Variants in MBNL1 observed in about 807,000 individuals in gnomAD.
The protein encoded by MBNL1 is muscleblind-like protein 1.
Under a neutral mutation model 42.2 loss-of-function variants are expected in MBNL1, and 8 were observed. The ratio of observed to expected loss-of-function variants is 0.19; its 90% CI spans 0.11 to 0.34. MBNL1 has a LOEUF of 0.34. Ranked by LOEUF, MBNL1 falls within the 10% of genes least tolerant of loss-of-function variation. The pLI is 1.00. For missense variants in MBNL1, 309 were observed against 495.3 expected (o/e 0.62, Z 3.57); for synonymous variants, 169 against 173.9 (o/e 0.97, Z 0.22).
intron 2 of MBNL1, among the ~76,000 whole-genome samples, chr3:152,394,892 C>T (rs139389109): frequency 6.6e-6 from 1 of 152,254 alleles, no homozygotes; most frequent in Non-Finnish European, 1.5e-5. Flanking sequence ...GGGAGTCTCA[C>T]TCTATTGCCA....
intron 2 of MBNL1, among the ~76,000 whole-genome samples, chr3:152,329,428 A>G (rs1360800591): frequency 3.3e-5 from 5 of 151,846 alleles, no homozygotes; most frequent in African/African-American, 9.7e-5. Flanking sequence ...GAAATTTGCA[A>G]CAACCCCAAG....
At chr3:152,332,240 T>G (rs2085198897) in intron 2 of MBNL1, among the ~76,000 whole-genome samples, 1 of 152,240 alleles carries the variant, frequency 6.6e-6, no homozygotes, top group Non-Finnish European at 1.5e-5. Context: ...CTATCTTATG[T>G]AAAAGCCTGT....
chr3:152,278,584 T>C (rs1351516722), intron 1 of MBNL1, among the ~76,000 whole-genome samples: 1 of 152,172 alleles, frequency 6.6e-6, no homozygotes, highest in Non-Finnish European at 1.5e-5. Flanking sequence ...CAGAGTGATA[T>C]AGTTTTGAGG....
intron 9 of MBNL1, 41 bp downstream of exon 9, chr3:152,459,386 G>A: frequency 4.1e-6 from 5 of 1,228,820 alleles, no homozygotes; most frequent in Non-Finnish European, 5.6e-6. Flanking sequence ...ATTTGTGGTG[G>A]TTTTTTTTAA....
chr3:152,363,468 A>G (rs2096138443), intron 2 of MBNL1, among the ~76,000 whole-genome samples: 1 of 152,234 alleles, frequency 6.6e-6, no homozygotes, highest in South Asian at 2.1e-4. Flanking sequence ...AGAGCAGTTC[A>G]TGGAAGACCA....
intron 2 of MBNL1, among the ~76,000 whole-genome samples, chr3:152,402,172 G>T (rs1190027928): frequency 1.3e-5 from 2 of 152,140 alleles, no homozygotes; most frequent in Non-Finnish European, 2.9e-5. Context: ...AAGCATCTCT[G>T]GAGAAATTGA....
At chr3:152,374,051 G>T (rs894098074) in intron 2 of MBNL1, among the ~76,000 whole-genome samples, 5 of 152,096 alleles carry the variant, frequency 3.3e-5, no homozygotes, top group African/African-American at 1.2e-4. Context: ...TTGTGTATAT[G>T]CATCTTTTAC....
At chr3:152,340,676 A>G (rs770792689) in intron 2 of MBNL1, 1 of 1,614,022 alleles carries the variant, frequency 6.2e-7, no homozygotes, top group South Asian at 1.1e-5. Flanking sequence ...TTATTCGCAT[A>G]ATACCTAGCA....
upstream of MBNL1, chr3:152,268,601 CA>C (rs1380723239): frequency 2.6e-6 from 1 of 379,608 alleles, no homozygotes; most frequent in Non-Finnish European, 5.2e-6. Flanking sequence ...ATGCTGAACG[CA>C]TGAGATGGAA....
rs1047237677 is a variant in MBNL1 at position 152,398,339 on chromosome 3, G to GT, written c.175-16592dup. 2.3e-3 allele frequency among the ~76,000 whole-genome samples: 345 copies of GT among 149,176 alleles called. 7 individuals carry two copies. The East Asian group carries it at 0.03, about 13-fold the overall frequency. On this transcript the variant is annotated intron_variant, in intron 2 of 9. Coordinates refer to ENST00000324210, the MANE Select transcript of MBNL1 (RefSeq NM_021038.5). Reference sequence around the variant, plus strand: ...GCATGTAATATATTAGTATAGCACAGTTTTTTTTTTAATTAAAAAAGACCT... The same window carrying GT: ...GCATGTAATATATTAGTATAGCACAGTTTTTTTTTTTAATTAAAAAAGACCT...
chr3:152,408,071 G>A (rs1420107132), intron 2 of MBNL1, among the ~76,000 whole-genome samples: 1 of 151,966 alleles, frequency 6.6e-6, no homozygotes, highest in Non-Finnish European at 1.5e-5. Flanking sequence ...TGATAGGTGC[G>A]GCAAACCATT....
chr3:152,260,963 G>A (rs572417786), intron 2 of MBNL1, among the ~76,000 whole-genome samples: 1 of 152,232 alleles, frequency 6.6e-6, no homozygotes, highest in East Asian at 1.9e-4. Context: ...ATATGAGATC[G>A]AGTTTCCTGC....
chr3:152,278,388 G>T (rs1393718501), intron 1 of MBNL1, among the ~76,000 whole-genome samples: 1 of 152,070 alleles, frequency 6.6e-6, no homozygotes, highest in Non-Finnish European at 1.5e-5. Flanking sequence ...TGATCCAGGA[G>T]TAGTCTCTCT....
chr3:152,279,196 A>G (rs1229000959), intron 1 of MBNL1, among the ~76,000 whole-genome samples: 2 of 152,154 alleles, frequency 1.3e-5, no homozygotes, highest in South Asian at 4.1e-4. Flanking sequence ...AAACAGATAG[A>G]CAACCTGGTA....
chr3:152,280,651 A>G (rs1035449921), intron 1 of MBNL1, among the ~76,000 whole-genome samples: 12 of 152,154 alleles, frequency 7.9e-5, no homozygotes, highest in East Asian at 1.9e-4. Flanking sequence ...TTTAACATTA[A>G]TGACAGAGAA....
intron 2 of MBNL1, among the ~76,000 whole-genome samples, chr3:152,247,077 C>T (rs1213391962): frequency 1.3e-5 from 2 of 152,016 alleles, no homozygotes; most frequent in Admixed American, 1.3e-4. Context: ...TTTTGTTTAG[C>T]TGTTTTGTTT....
At chr3:152,291,438 A>G (rs546844415) in intron 1 of MBNL1, among the ~76,000 whole-genome samples, 2 of 152,204 alleles carry the variant, frequency 1.3e-5, no homozygotes, top group Non-Finnish European at 2.9e-5. Flanking sequence ...TCTCTTTCCA[A>G]TGAGTGACGT....
chr3:152,289,804 G>C (rs530982562), intron 1 of MBNL1, among the ~76,000 whole-genome samples: 1 of 152,182 alleles, frequency 6.6e-6, no homozygotes, highest in Non-Finnish European at 1.5e-5. Flanking sequence ...GTATTTGTAA[G>C]TTTGGAATAA....
chr3:152,407,182 CTG>C (rs2098451198), intron 2 of MBNL1, among the ~76,000 whole-genome samples: 2 of 133,830 alleles, frequency 1.5e-5, no homozygotes, highest in South Asian at 4.8e-4. Context: ...TTGAAAGAAA[CTG>C]GGATTATATC....
Sources: allele counts gnomAD v4.1 joint callset (sites outside exome capture counted in the v4.1 genomes callset), GRCh38; gene constraint gnomAD v4.1.1; transcripts MANE v1.5; gene names NCBI Gene and HGNC (gene_info 2026-07-23, HGNC 2026-07-21).